The following CRB1 variants were observed in gnomAD, a reference collection of about 807,000 sequenced individuals.
The protein encoded by CRB1 is crumbs cell polarity complex component 1.
A neutral mutation model predicts 120.0 loss-of-function variants in CRB1; 83 were observed. That is an observed-to-expected ratio of 0.69 (90% CI 0.58 to 0.83). CRB1 has a LOEUF of 0.83. Ranked by LOEUF, CRB1 falls within the 40% of genes least tolerant of loss-of-function variation. CRB1 has a pLI of 0.00. For synonymous variants in CRB1, 625 were observed against 612.5 expected, an observed-to-expected ratio of 1.02 and a Z score of -0.30; for missense variants, 1,699 against 1,687.6, an observed-to-expected ratio of 1.01 and a Z score of -0.12.
At chr1:197,212,547 A>G in the CRB1 span, among the ~76,000 whole-genome samples, 89 of 152,276 alleles carry the variant, frequency 5.8e-4, no homozygotes, top group East Asian at 0.016. Flanking sequence ...AATTCTAAAA[A>G]CTGCAAGTTA....
intron 1 of CRB1, among the ~76,000 whole-genome samples, chr1:197,277,115 A>G (rs967071381): frequency 2.6e-5 from 4 of 151,970 alleles, no homozygotes; most frequent in Non-Finnish European, 5.9e-5. Flanking sequence ...TTTTTAAAAA[A>G]AGTTAGTCCT....
intron 1 of CRB1, among the ~76,000 whole-genome samples, chr1:197,312,892 AACAGTATTTTATCCAGTT>A (rs1439877669): frequency 1.3e-5 from 2 of 152,092 alleles, no homozygotes; most frequent in Non-Finnish European, 2.9e-5. Context: ...AATCCCTTTC[AACAGTATTTTATCCAGTT>A]AAGTTTTTTT....
intron 1 of CRB1, among the ~76,000 whole-genome samples, chr1:197,278,006 A>G (rs1270916239): frequency 6.6e-6 from 1 of 152,016 alleles, no homozygotes; most frequent in African/African-American, 2.4e-5. Context: ...TAAAACAACA[A>G]GGTGTATATC....
At chr1:197,406,317 A>G (rs947581496) in intron 5 of CRB1, among the ~76,000 whole-genome samples, 10 of 152,126 alleles carry the variant, frequency 6.6e-5, no homozygotes, top group African/African-American at 2.4e-4. Flanking sequence ...GTGTCCACTC[A>G]GGGTTAAATG....
the CRB1 span, among the ~76,000 whole-genome samples, chr1:197,243,757 A>G: frequency 7.2e-5 from 11 of 152,240 alleles, no homozygotes; most frequent in African/African-American, 2.6e-4. Flanking sequence ...TGATCTGTCT[A>G]ATATTGACAG....
chr1:197,254,411 C>T, the CRB1 span, among the ~76,000 whole-genome samples: 3 of 152,080 alleles, frequency 2.0e-5, no homozygotes, highest in African/African-American at 7.2e-5. Context: ...ATGTTGATGT[C>T]ACTGATGACA....
chr1:197,435,373 A>G lies in CRB1; in HGVS notation c.3510A>G (p.Ser1170=), dbSNP rs1665100853. ...ATTGCTCCTGTCCCTTGGGATGGTC[A>G]GGGAAACACTGTGAACTCAACATCG... ...SYHCSCPLGW[S]GKHCELNIDE... is the part of the protein sequence containing the mutation. The change falls in exon 9 of 12, where the codon TCA becomes TCG. Residue 1170 remains serine (S), a synonymous_variant. Transcript: ENST00000367400. 5.6e-6 allele frequency: 9 copies of G among 1,611,600 alleles called. No individual in the cohort carries two copies. Among genetic ancestry groups the G allele is most frequent in the Non-Finnish European group, 7.6e-6 (9 of 1,178,526 alleles).
In CRB1 at chr1:197,373,083, T is replaced by G. The variant is rs114937742; in HGVS notation, c.1171+16070T>G. On this transcript the variant is annotated intron_variant, in intron 5 of 11. Coordinates refer to ENST00000367400, the MANE Select transcript of CRB1 (RefSeq NM_201253.3). ...TGCTAGAATTGTTATTCTCCCTCCA[T>G]GGCCATGAAACTAGGGTGTCCCAAC... is the stretch of plus-strand genomic sequence containing the variant. Among the ~76,000 whole-genome samples the G allele has an allele frequency of 6.6e-3, 1,003 of 152,248 alleles. 18 individuals are homozygous for G. The highest frequency in any genetic ancestry group is 0.023 in the African/African-American group (967 of 41,542).
intron 1 of CRB1, among the ~76,000 whole-genome samples, chr1:197,325,498 G>T (rs1658442915): frequency 6.6e-6 from 1 of 151,970 alleles, no homozygotes; most frequent in African/African-American, 2.4e-5. Flanking sequence ...ATTCTACTCT[G>T]ATTATTTAGG....
At chr1:197,262,534 T>A in the CRB1 span, among the ~76,000 whole-genome samples, 1 of 152,190 alleles carries the variant, frequency 6.6e-6, no homozygotes, top group Admixed American at 6.5e-5. Context: ...TTTTCTTTTT[T>A]AAAAAATTTA....
chr1:197,289,824 T>C (rs1656061989), intron 1 of CRB1, among the ~76,000 whole-genome samples: 1 of 151,688 alleles, frequency 6.6e-6, no homozygotes, highest in Non-Finnish European at 1.5e-5. Context: ...CTATTCTTTT[T>C]TATATAATGT....
chr1:197,340,797 A>G (rs1489860931), intron 2 of CRB1, among the ~76,000 whole-genome samples: 1 of 152,148 alleles, frequency 6.6e-6, no homozygotes. Flanking sequence ...GATGAAGGTT[A>G]TCATTATTTG....
intron 5 of CRB1, among the ~76,000 whole-genome samples, chr1:197,399,924 T>C (rs1451774335): frequency 6.6e-6 from 1 of 152,204 alleles, no homozygotes; most frequent in East Asian, 1.9e-4. Context: ...AGATCTTTTG[T>C]TACATAATCA....
the CRB1 span, among the ~76,000 whole-genome samples, chr1:197,227,103 C>T: frequency 6.6e-6 from 1 of 152,148 alleles, no homozygotes; most frequent in Non-Finnish European, 1.5e-5. Context: ...CTCATGTCCT[C>T]ATATTTCAAA....
intron 5 of CRB1, among the ~76,000 whole-genome samples, chr1:197,380,411 C>A (rs539221518): frequency 3.9e-5 from 6 of 152,158 alleles, no homozygotes; most frequent in East Asian, 1.9e-4. Context: ...TTGCTTGAAG[C>A]GGCCATCCAG....
In CRB1 at chr1:197,427,781, C is replaced by T; in HGVS notation, c.2456C>T (p.Ala819Val). Residue 819 changes from alanine to valine, a missense_variant, in exon 7 of 12, where the codon GCT (alanine) becomes GTT (valine). Transcript: ENST00000367400. ...TCACAAAACCTAGGATTTATTTCTG[C>T]TTCTACGTGGAAAATCGAAAAGGGA... ...QSSQNLGFIS[A>V]STWKIEKGDV... The T allele has an allele frequency of 1.2e-6, 2 of 1,613,982 alleles. No homozygotes were observed. The highest frequency in any genetic ancestry group is 8.5e-7 in the Non-Finnish European group (1 of 1,179,950).
chr1:197,391,359 T>C (rs934866278), intron 5 of CRB1, among the ~76,000 whole-genome samples: 1 of 151,984 alleles, frequency 6.6e-6, no homozygotes, highest in Non-Finnish European at 1.5e-5. Flanking sequence ...GGGCAAAGAG[T>C]CTATAGCTAG....
intron 1 of CRB1, among the ~76,000 whole-genome samples, chr1:197,282,473 G>A (rs747417257): frequency 1.3e-5 from 2 of 151,770 alleles, no homozygotes; most frequent in African/African-American, 2.4e-5. Context: ...GAAGGAAGCC[G>A]TATGTTATGT....
intron 5 of CRB1, among the ~76,000 whole-genome samples, chr1:197,385,068 T>C (rs567421469): frequency 6.6e-6 from 1 of 152,286 alleles, no homozygotes; most frequent in Non-Finnish European, 1.5e-5. Flanking sequence ...GCTAGTCAGC[T>C]AAGCTCATTA....
Sources: gnomAD v4.1 joint callset for allele counts (sites outside exome capture counted in the v4.1 genomes callset) on GRCh38, gnomAD v4.1.1 for gene constraint, MANE v1.5 for transcripts, NCBI Gene and HGNC (gene_info 2026-07-23, HGNC 2026-07-21) for gene names.